The following NLGN1 variants were observed in gnomAD, a reference collection of about 807,000 sequenced individuals.
NLGN1 encodes neuroligin-1.
A neutral mutation model predicts 65.5 loss-of-function variants in NLGN1; 12 were observed. The observed-to-expected ratio is 0.18, with a 90% CI of 0.12 to 0.30. The LOEUF is 0.30. Among genes scored for constraint, NLGN1 ranks in the 10% least tolerant of loss-of-function variants. The pLI is 1.00. For synonymous variants in NLGN1, 350 were observed against 359.5 expected, an observed-to-expected ratio of 0.97 and a Z score of 0.30; for missense variants, 750 against 1,007.1, an observed-to-expected ratio of 0.74 and a Z score of 3.46.
At chr3:173,483,207 C>G (rs1267816909) in intron 2 of NLGN1, among the ~76,000 whole-genome samples, 5 of 151,972 alleles carry the variant, frequency 3.3e-5, no homozygotes, top group Admixed American at 2.6e-4. Context: ...TTCTAAACTT[C>G]CAAAATGTAA....
chr3:173,980,050 A>G (rs1362778694), intron 4 of NLGN1, among the ~76,000 whole-genome samples: 2 of 152,116 alleles, frequency 1.3e-5, no homozygotes, highest in African/African-American at 4.8e-5. Flanking sequence ...GTTTTGAAGT[A>G]GCATGGTGTT....
At chr3:173,590,224 C>A (rs1296794095) in intron 2 of NLGN1, among the ~76,000 whole-genome samples, 1 of 152,148 alleles carries the variant, frequency 6.6e-6, no homozygotes, top group Non-Finnish European at 1.5e-5. Context: ...GTCAGTGCAT[C>A]TGTCATTTCT....
chr3:174,224,663 CACGCCAGCCTGGGTG>C (rs1393567897), intron 4 of NLGN1, among the ~76,000 whole-genome samples: 1 of 152,140 alleles, frequency 6.6e-6, no homozygotes, highest in Admixed American at 6.5e-5. Context: ...TGTGCCATTG[CACGCCAGCCTGGGTG>C]ACAGAGTGAG....
chr3:173,598,594 T>C (rs757263219), intron 2 of NLGN1, among the ~76,000 whole-genome samples: 1 of 152,166 alleles, frequency 6.6e-6, no homozygotes, highest in Non-Finnish European at 1.5e-5. Flanking sequence ...CTTTAGCCTC[T>C]TAATGAAGGG....
At chr3:174,025,565 A>T (rs577122928) in intron 4 of NLGN1, among the ~76,000 whole-genome samples, 1 of 152,290 alleles carries the variant, frequency 6.6e-6, no homozygotes, top group Admixed American at 6.5e-5. Flanking sequence ...GAAATTAAGG[A>T]TGCAGAAAGT....
intron 3 of NLGN1, among the ~76,000 whole-genome samples, chr3:173,733,076 A>C (rs1773126298): frequency 6.6e-6 from 1 of 152,066 alleles, no homozygotes; most frequent in African/African-American, 2.4e-5. Flanking sequence ...ACGAGATGGA[A>C]ATATAAAGCT....
chr3:173,456,968 T>G (rs73036252), intron 2 of NLGN1, among the ~76,000 whole-genome samples: 28,577 of 152,072 alleles, frequency 0.19, 2,938 homozygotes, highest in African/African-American at 0.27. Flanking sequence ...GAGTTGCTTG[T>G]CAGGGAGAAC....
chr3:173,576,786 C>T (rs891525435), intron 2 of NLGN1, among the ~76,000 whole-genome samples: 2 of 152,128 alleles, frequency 1.3e-5, no homozygotes, highest in Non-Finnish European at 2.9e-5. Flanking sequence ...ATTAAGACAT[C>T]TGTGGCGGGG....
At chr3:174,290,896 TGA>T (rs1008556776), downstream of NLGN1, among the ~76,000 whole-genome samples, 3 of 150,998 alleles carry the variant, frequency 2.0e-5, no homozygotes, top group African/African-American at 4.8e-5. Flanking sequence ...GACAAGTTTT[TGA>T]GAGAGAGAAA....
chr3:173,559,897 G>GATT (rs1354205090), intron 2 of NLGN1, among the ~76,000 whole-genome samples: 15 of 150,340 alleles, frequency 1.0e-4, no homozygotes, highest in Non-Finnish European at 2.2e-4. Context: ...CACTAATGTA[G>GATT]ATTATCATTT....
At chr3:173,576,440 T>C (rs1745515822) in intron 2 of NLGN1, among the ~76,000 whole-genome samples, 1 of 152,196 alleles carries the variant, frequency 6.6e-6, no homozygotes, top group South Asian at 2.1e-4. Flanking sequence ...AAGCCTGTGT[T>C]CTTTTTGGAA....
At chr3:174,227,480 T>A (rs546465676) in intron 4 of NLGN1, among the ~76,000 whole-genome samples, 1 of 152,158 alleles carries the variant, frequency 6.6e-6, no homozygotes, top group African/African-American at 2.4e-5. Context: ...ATATCTTTTT[T>A]ATTTTTCCTT....
chr3:173,993,342 C>CA (rs2152415595), intron 4 of NLGN1, among the ~76,000 whole-genome samples: 1 of 152,318 alleles, frequency 6.6e-6, no homozygotes, highest in Admixed American at 6.5e-5. Context: ...TTGTAAAAGA[C>CA]ATGCCATGTG....
intron 4 of NLGN1, among the ~76,000 whole-genome samples, chr3:173,960,073 A>G (rs1241905850): frequency 6.6e-6 from 1 of 152,046 alleles, no homozygotes; most frequent in African/African-American, 2.4e-5. Flanking sequence ...CTCATTCTTA[A>G]TATAGTGCTC....
intron 4 of NLGN1, among the ~76,000 whole-genome samples, chr3:174,079,090 C>T (rs1416544956): frequency 6.6e-6 from 1 of 151,880 alleles, no homozygotes; most frequent in Admixed American, 6.6e-5. Context: ...TGTATATACT[C>T]TCAAACAGAC....
chr3:173,967,983 G>A (rs1715250428), intron 4 of NLGN1, among the ~76,000 whole-genome samples: 1 of 152,130 alleles, frequency 6.6e-6, no homozygotes, highest in Admixed American at 6.6e-5. Flanking sequence ...AGCTTTGATG[G>A]TAGCTGACGC....
At chr3:174,035,114 T>G (rs1204397964) in intron 4 of NLGN1, among the ~76,000 whole-genome samples, 1 of 152,192 alleles carries the variant, frequency 6.6e-6, no homozygotes, top group Non-Finnish European at 1.5e-5. Flanking sequence ...GACAAATTTT[T>G]AAAATTTACA....
chr3:174,275,645 G>C, intron 5 of NLGN1, 118 bp downstream of exon 5: 1 of 646,046 alleles, frequency 1.5e-6, no homozygotes, highest in Non-Finnish European at 2.7e-6. Context: ...GAACTCAATA[G>C]TTTAAAGCTT....
At chr3:173,629,844 T>G (rs1032244433) in intron 3 of NLGN1, among the ~76,000 whole-genome samples, 2 of 152,098 alleles carry the variant, frequency 1.3e-5, no homozygotes, top group African/African-American at 4.8e-5. Flanking sequence ...CACTTCAGAG[T>G]TTATCAGACT....
Sources: gnomAD v4.1 joint callset for allele counts (sites outside exome capture counted in the v4.1 genomes callset) on GRCh38, gnomAD v4.1.1 for gene constraint, MANE v1.5 for transcripts, NCBI Gene and HGNC (gene_info 2026-07-23, HGNC 2026-07-21) for gene names.